The following UBE2E1 variants were observed in gnomAD, a reference collection of about 807,000 sequenced individuals.
UBE2E1 encodes the protein ubiquitin conjugating enzyme E2 E1.
UBE2E1 carries 6 observed loss-of-function variants against 21.4 expected under a neutral mutation model. That is an observed-to-expected ratio of 0.28 (90% CI 0.15 to 0.55). The LOEUF (loss-of-function observed/expected upper bound fraction) is 0.55, where lower values mean the gene tolerates loss of function less well. Ranked by LOEUF, UBE2E1 falls within the 20% of genes least tolerant of loss-of-function variation. The probability of loss-of-function intolerance (pLI) is 0.93; values close to 1 mark genes in which losing one functional copy is unlikely to be tolerated. For synonymous variants in UBE2E1, 87 were observed against 82.7 expected (o/e 1.05, Z -0.28); for missense variants, 142 against 236.5 (o/e 0.60, Z 2.62).
intron 3 of UBE2E1, among the ~76,000 whole-genome samples, chr3:23,851,784 C>T (rs1377659341): frequency 6.6e-6 from 1 of 151,970 alleles, no homozygotes; most frequent in East Asian, 1.9e-4. Context: ...GACAGAGACC[C>T]TGTCTCTAAA....
intron 3 of UBE2E1, among the ~76,000 whole-genome samples, chr3:23,861,484 A>G (rs1700556202): frequency 6.6e-6 from 1 of 152,202 alleles, no homozygotes; most frequent in Non-Finnish European, 1.5e-5. Flanking sequence ...GCCTGTGCCC[A>G]CAGACCTAGG....
intron 3 of UBE2E1, among the ~76,000 whole-genome samples, chr3:23,814,178 A>G (rs898383239): frequency 6.6e-6 from 1 of 152,206 alleles, no homozygotes; most frequent in Non-Finnish European, 1.5e-5. Context: ...GATTATTGCA[A>G]ATCAGTAGAA....
intron 3 of UBE2E1, chr3:23,878,869 G>A (rs1700976089): frequency 3.2e-6 from 1 of 316,912 alleles, no homozygotes; most frequent in Non-Finnish European, 6.2e-6. Flanking sequence ...GAAATAGAGT[G>A]CACAATAAAT....
chr3:23,845,561 TTCTC>T (rs144798695), intron 3 of UBE2E1, among the ~76,000 whole-genome samples: 3,252 of 136,834 alleles, frequency 0.024, 64 homozygotes, highest in Non-Finnish European at 0.026. Context: ...CTGTTTTGGT[TTCTC>T]TCTCTCTCTC....
chr3:23,831,295 C>T (rs1455688586), intron 3 of UBE2E1, among the ~76,000 whole-genome samples: 6 of 152,142 alleles, frequency 3.9e-5, no homozygotes, highest in East Asian at 1.9e-4. Context: ...TTTCTCACAT[C>T]GCAGATTGCT....
At chr3:23,837,550 A>G (rs1016484002) in intron 3 of UBE2E1, among the ~76,000 whole-genome samples, 9 of 152,300 alleles carry the variant, frequency 5.9e-5, no homozygotes, top group East Asian at 3.9e-4. Flanking sequence ...CCAACTTGCT[A>G]TGTGTTTTTA....
chr3:23,827,066 A>T (rs899805489), intron 3 of UBE2E1, among the ~76,000 whole-genome samples: 2 of 151,936 alleles, frequency 1.3e-5, no homozygotes, highest in African/African-American at 2.4e-5. Context: ...CCCTTAGGAC[A>T]TTTTTTTTCA....
At chr3:23,872,238 C>T (rs1037646105) in intron 3 of UBE2E1, among the ~76,000 whole-genome samples, 1 of 151,994 alleles carries the variant, frequency 6.6e-6, no homozygotes, top group African/African-American at 2.4e-5. Context: ...TCAGGCGTGG[C>T]GGCGCGCGCC....
intron 3 of UBE2E1, among the ~76,000 whole-genome samples, chr3:23,840,939 TATATTTTGTCA>T (rs1700071981): frequency 6.6e-6 from 1 of 152,212 alleles, no homozygotes; most frequent in African/African-American, 2.4e-5. Context: ...TGCTGTTTTA[TATATTTTGTCA>T]GTTTTTTTGT....
At chr3:23,871,865 C>T (rs1328917532) in intron 3 of UBE2E1, among the ~76,000 whole-genome samples, 2 of 151,550 alleles carry the variant, frequency 1.3e-5, no homozygotes, top group Non-Finnish European at 2.9e-5. Flanking sequence ...GGCGGCGGGG[C>T]AGAGACGCTC....
At chr3:23,848,356 C>T (rs968165920) in intron 3 of UBE2E1, among the ~76,000 whole-genome samples, 20 of 151,910 alleles carry the variant, frequency 1.3e-4, no homozygotes, top group African/African-American at 4.1e-4. Context: ...TGTAATTCCA[C>T]CTTCTTGGGA....
intron 3 of UBE2E1, among the ~76,000 whole-genome samples, chr3:23,817,295 G>A (rs753878064): frequency 2.6e-5 from 4 of 151,850 alleles, no homozygotes; most frequent in Admixed American, 6.6e-5. Flanking sequence ...GGTGACGCGC[G>A]CCCGTAATCC....
At position 23,834,166 on chromosome 3, in the gene UBE2E1, A is replaced by G. The variant is rs531889281; in HGVS notation, c.203+22656A>G. ...CAAGGCCTTTTACAGCTCATTTGTG[A>G]TAGTCATACAGTTTTCTTTGCTGTA... On this transcript the variant is annotated intron_variant, in intron 3 of 5. Transcript: ENST00000306627. Among the ~76,000 whole-genome samples the G allele has an allele frequency of 9.2e-5, 14 of 152,344 alleles. No homozygotes were observed. The East Asian group carries it at 2.7e-3, about 29-fold the overall frequency.
At chr3:23,818,190 A>AT (rs1186189690) in intron 3 of UBE2E1, among the ~76,000 whole-genome samples, 1 of 152,228 alleles carries the variant, frequency 6.6e-6, no homozygotes, top group African/African-American at 2.4e-5. Context: ...ACAGAAATAA[A>AT]TAAGGCAGGA....
intron 3 of UBE2E1, among the ~76,000 whole-genome samples, chr3:23,815,281 C>T (rs1699491629): frequency 6.6e-6 from 1 of 152,188 alleles, no homozygotes; most frequent in Admixed American, 6.5e-5. Flanking sequence ...GGTGCCTGGC[C>T]CTGATACTAG....
chr3:23,851,943 G>A (rs1003021917), intron 3 of UBE2E1, among the ~76,000 whole-genome samples: 3 of 152,214 alleles, frequency 2.0e-5, no homozygotes, highest in African/African-American at 4.8e-5. Context: ...GTATGGCTTG[G>A]TGCTGCTCTC....
In UBE2E1 at chr3:23,863,899, C is replaced by A. The variant is rs143456815; in HGVS notation, c.204-23668C>A. Among the ~76,000 whole-genome samples the A allele has an allele frequency of 6.6e-6, 1 of 152,332 alleles. No individual in the cohort carries two copies. The highest frequency in any genetic ancestry group is 1.5e-5 in the Non-Finnish European group (1 of 68,036). Reference sequence around the variant, plus strand: ...ACCTCTTCTGGTTTTAACAGGCTACCTGCTAACTCTGTTTATAGCTGTCAT... The same window carrying A: ...ACCTCTTCTGGTTTTAACAGGCTACATGCTAACTCTGTTTATAGCTGTCAT... On this transcript the variant is annotated intron_variant, in intron 3 of 5. Transcript: ENST00000306627. The surrounding 1 kb of genome is among the most constrained non-coding windows in gnomAD (Gnocchi z 4.3).
chr3:23,851,743 A>G (rs1700329300), intron 3 of UBE2E1, among the ~76,000 whole-genome samples: 1 of 152,172 alleles, frequency 6.6e-6, no homozygotes, highest in Non-Finnish European at 1.5e-5. Flanking sequence ...TCGAGGCTGC[A>G]GTGATTGCAC....
At chr3:23,851,874 C>G (rs1020869778) in intron 3 of UBE2E1, among the ~76,000 whole-genome samples, 1 of 152,166 alleles carries the variant, frequency 6.6e-6, no homozygotes, top group Middle Eastern at 3.2e-3. Flanking sequence ...AATGTGATCC[C>G]CAGCATTGGA....
Sources: gnomAD v4.1 joint callset for allele counts (sites outside exome capture counted in the v4.1 genomes callset) on GRCh38, gnomAD v4.1.1 for gene constraint, Gnocchi (gnomAD v3.1) non-coding constraint, MANE v1.5 for transcripts, NCBI Gene and HGNC (gene_info 2026-07-23, HGNC 2026-07-21) for gene names.